Variants in COL1A1 observed in about 807,000 individuals in gnomAD.
The protein encoded by COL1A1 is collagen alpha-1(I) chain.
A neutral mutation model predicts 195.7 loss-of-function variants in COL1A1; 21 were observed. The observed-to-expected ratio is 0.11, with a 90% CI of 0.08 to 0.15. The LOEUF (loss-of-function observed/expected upper bound fraction) is 0.15, where lower values mean the gene tolerates loss of function less well. Among genes scored for constraint, COL1A1 ranks in the 10% least tolerant of loss-of-function variants. The probability of loss-of-function intolerance (pLI) is 1.00; values close to 1 mark genes in which losing one functional copy is unlikely to be tolerated. For missense variants in COL1A1, 1,365 were observed against 2,051.0 expected (o/e 0.67, Z 6.46); for synonymous variants, 749 against 747.3 (o/e 1.00, Z -0.04).
intron 3 of COL1A1, 44 bp from the exon 4 acceptor site, chr17:50,199,497 G>A (rs1907881577): frequency 6.2e-7 from 1 of 1,614,076 alleles, no homozygotes; most frequent in African/African-American, 1.3e-5. Context: ...GGTTAGAGAA[G>A]GGAGGACTGT....
At position 50,185,830 on chromosome 17, in the gene COL1A1, C is replaced by T. The variant is rs146035171; in HGVS notation, c.4196G>A (p.Arg1399His). ...LLQGSNEIEI[R>H]AEGNSRFTYS... Reference sequence around the variant, plus strand: ...GGTGAAGCGGCTGTTGCCCTCGGCGCGGATCTCGATCTCGTTGGAGCCCTG... The same window carrying T: ...GGTGAAGCGGCTGTTGCCCTCGGCGTGGATCTCGATCTCGTTGGAGCCCTG... The change falls in exon 50 of 51, where the codon CGC becomes CAC. Residue 1399 changes from arginine (R) to histidine (H), a missense_variant. Arg to His is a conservative substitution (Grantham distance 29). Coordinates refer to ENST00000225964, the MANE Select transcript of COL1A1 (RefSeq NM_000088.4). 6.3e-5 allele frequency: 102 copies of T among 1,613,904 alleles called. No individual in the cohort carries two copies. Among genetic ancestry groups the T allele is most frequent in the Non-Finnish European group, 7.4e-5 (87 of 1,180,032 alleles).
rs1907914129 is a variant in COL1A1, at chr17:50,199,718, AGGCCCCAGGCCCCAGGCCCCG to A, written c.298+14_298+34del. 8.9e-6 allele frequency: 2 copies of A among 225,038 alleles called. No homozygotes were observed. Among genetic ancestry groups the A allele is most frequent in the Non-Finnish European group, 7.5e-6 (1 of 134,166 alleles). 13.9% of individuals were successfully genotyped at this position (225,038 alleles called of 1,614,324 possible). A position where few individuals can be genotyped will look rare whatever the true frequency, so the allele number is the denominator to read the frequency against. ...GCCCCAGCCCCAGGCCCCAGGCCCC[AGGCCCCAGGCCCCAGGCCCCG>A]AGCGCAGCCGCACCTGAGCCGTCGG... On this transcript the variant is annotated intron_variant, in intron 2 of 50. Transcript: ENST00000225964.
Position 50,197,218 on chromosome 17 carries a change from G to A in COL1A1, c.712C>T (p.Pro238Ser). 1.2e-6 allele frequency: 2 copies of A among 1,613,068 alleles called. No individual in the cohort carries two copies. Among genetic ancestry groups the A allele is most frequent in the Non-Finnish European group, 1.7e-6 (2 of 1,180,024 alleles). ...GGCCCACGCTCACCAGGACGACCAGGTTTTCCAGCTTCCCCCTGAGAGGGA... is the reference window on the plus strand; with the variant it reads ...GGCCCACGCTCACCAGGACGACCAGATTTTCCAGCTTCCCCCTGAGAGGGA... ...KNGDDGEAGK[P>S]GRPGERGPPG... The change falls in exon 10 of 51, where the codon CCT (proline) becomes TCT (serine). Residue 238 changes from proline (P) to serine (S), a missense_variant. Transcript: ENST00000225964.
intron 31 of COL1A1, 81 bp downstream of exon 31, chr17:50,191,707 T>C: frequency 6.8e-7 from 1 of 1,471,420 alleles, no homozygotes; most frequent in Non-Finnish European, 9.3e-7. Flanking sequence ...GCTTTGGTCA[T>C]GGCCCGCCAT....
intron 9 of COL1A1, 74 bp downstream of exon 9, chr17:50,197,658 T>G (rs1326999954): frequency 1.7e-6 from 2 of 1,209,930 alleles, no homozygotes; most frequent in Non-Finnish European, 2.3e-6. Context: ...CCAAATGTGG[T>G]GGAGTGGAAA....
At position 50,199,793 on chromosome 17, in the gene COL1A1, G is replaced by T. The variant is rs773763288; in HGVS notation, c.258C>A (p.Val86=). ...AGACGGGACAGCACTCGCCCTCGGGGACTTCGGCGCCGGGGCAGTTCTTGG... is the reference window on the plus strand; with the variant it reads ...AGACGGGACAGCACTCGCCCTCGGGTACTTCGGCGCCGGGGCAGTTCTTGG... ...DETKNCPGAE[V]PEGECCPVCP... Residue 86 remains valine, a synonymous_variant, in exon 2 of 51, where the codon GTC becomes GTA. Transcript: ENST00000225964. The T allele has an allele frequency of 1.2e-6, 2 of 1,613,830 alleles. No individual in the cohort carries two copies.
At chr17:50,199,164 T>A (rs1021165356) in intron 5 of COL1A1, 62 bp downstream of exon 5, 1 of 1,427,730 alleles carries the variant, frequency 7.0e-7, no homozygotes, top group Admixed American at 3.0e-5. Context: ...TAAAATTATG[T>A]CATCTGCCAA....
chr17:50,185,808 G>A lies in COL1A1; in HGVS notation c.4218C>T (p.Phe1406=). Reference sequence around the variant, plus strand: ...AGCCATCGACAGTGACGCTGTAGGTGAAGCGGCTGTTGCCCTCGGCGCGGA... The same window carrying A: ...AGCCATCGACAGTGACGCTGTAGGTAAAGCGGCTGTTGCCCTCGGCGCGGA... The part of the protein sequence containing the change: ...IEIRAEGNSR[F]TYSVTVDGCT... Residue 1406 remains phenylalanine, a synonymous_variant, in exon 50 of 51, where the codon TTC becomes TTT. Transcript: ENST00000225964. 6.2e-7 allele frequency: 1 copy of A among 1,614,090 alleles called. No individual in the cohort carries two copies. Among genetic ancestry groups the A allele is most frequent in the Non-Finnish European group, 8.5e-7 (1 of 1,180,040 alleles).
Position 50,199,745 on chromosome 17 carries a change from A to G in COL1A1, c.298+8T>C, listed in dbSNP as rs755794253. On this transcript the variant is annotated splice_region_variant and intron_variant, in intron 2 of 50. Coordinates refer to ENST00000225964, the MANE Select transcript of COL1A1 (RefSeq NM_000088.4). Reference sequence around the variant, plus strand: ...GCCCCAGGCCCCAGGCCCCGAGCGCAGCCGCACCTGAGCCGTCGGGGCAGA... The same window carrying G: ...GCCCCAGGCCCCAGGCCCCGAGCGCGGCCGCACCTGAGCCGTCGGGGCAGA... 6.2e-7 allele frequency: 1 copy of G among 1,610,194 alleles called. No individual in the cohort carries two copies. The highest frequency in any genetic ancestry group is 8.5e-7 in the Non-Finnish European group (1 of 1,179,182).
rs1196239673 is a variant in COL1A1, at chr17:50,187,535, G to T, written c.3372C>A (p.Gly1124=). ...CAGAGGGACCTTGTTCACCAGGAGA[G>T]CCCTGAAGGACAGATAAAAAAGGCA... is the stretch of plus-strand genomic sequence containing the variant. ...SGLQGPPGPP[G]SPGEQGPSGA... Residue 1124 remains glycine, a splice_region_variant and synonymous_variant, in exon 46 of 51, where the codon GGC becomes GGA. Transcript: ENST00000225964. 1 of 1,614,008 alleles carries T rather than the reference G, an allele frequency of 6.2e-7. No individual in the cohort carries two copies. Among genetic ancestry groups the T allele is most frequent in the Admixed American group, 1.7e-5 (1 of 60,020 alleles).
rs957884821 is a variant in COL1A1, at chr17:50,185,668, A to T, written c.4249-20T>A. ...GTGACTCTGGGGTGGGGCGGAGACA[A>T]CGGGAGGGGGCATTACCACGTGGGA... On this transcript the variant is annotated intron_variant, in intron 50 of 50. Transcript: ENST00000225964. 1.9e-6 allele frequency: 3 copies of T among 1,612,884 alleles called. No individual in the cohort carries two copies. Among genetic ancestry groups the T allele is most frequent in the African/African-American group, 2.7e-5 (2 of 74,886 alleles).
rs770169695 is a variant in COL1A1, at chr17:50,194,739, G to A, written c.1443C>T (p.Pro481=). Residue 481 remains proline, a synonymous_variant, in exon 21 of 51, where the codon CCC becomes CCT. Transcript: ENST00000225964. The surrounding 1 kb of genome is among the most constrained non-coding windows in gnomAD (Gnocchi z 6.8). ...ARGEPGPTGL[P]GPPGERGGPG... is the part of the protein sequence containing the mutation. ...CACTTACACGCTCGCCAGGGGGTCCGGGCAGGCCAGTGGGTCCGGGTTCAC... is the reference window on the plus strand; with the variant it reads ...CACTTACACGCTCGCCAGGGGGTCCAGGCAGGCCAGTGGGTCCGGGTTCAC... The A allele has an allele frequency of 1.3e-5, 21 of 1,570,256 alleles. No individual in the cohort carries two copies. The highest frequency in any genetic ancestry group is 1.8e-5 in the Admixed American group (1 of 54,276).
chr17:50,199,588 A>G lies in COL1A1; in HGVS notation c.301T>C (p.Ser101Pro). The change falls in exon 3 of 51, where the codon TCA (serine) becomes CCA (proline). Residue 101 changes from serine (S) to proline (P), a missense_variant and splice_region_variant. Physicochemically the swap from Ser to Pro is moderately conservative, Grantham distance 74 (BLOSUM62 -1). This residue lies in a region of COL1A1 where 194 missense variants were observed against 221.7 expected (regional missense o/e 0.88). Transcript: ENST00000225964. The stretch of plus-strand genomic sequence containing the variant: ...CCGGTGGTTTCTTGGTCGGTGGGTG[A>G]CTCTAGGGGACGAAGAGACGCGCGT... ...CCPVCPDGSE[S>P]PTDQETTGVE... The G allele has an allele frequency of 6.2e-7, 1 of 1,613,934 alleles. No homozygotes were observed. Among genetic ancestry groups the G allele is most frequent in the South Asian group, 1.1e-5 (1 of 91,070 alleles).
Position 50,195,846 on chromosome 17 carries a change from C to G in COL1A1, c.1056+77G>C. 2.0e-6 allele frequency: 3 copies of G among 1,527,182 alleles called. No individual in the cohort carries two copies. The highest frequency in any genetic ancestry group is 2.7e-6 in the Non-Finnish European group (3 of 1,124,464). The allele number at this position is 1,527,182 out of a possible 1,614,324, so 94.6% of individuals were successfully genotyped here. A position where few individuals can be genotyped will look rare whatever the true frequency, so the allele number is the denominator to read the frequency against. ...GCTGCTCTCTTGCCACTCTGGGTCC[C>G]TTTGGTTTGGGGAACAGGGAGACAT... is the stretch of plus-strand genomic sequence containing the variant. On this transcript the variant is annotated intron_variant, in intron 16 of 50. Transcript: ENST00000225964. This position sits in a 1 kb window ranked among gnomAD's most constrained non-coding sequence, Gnocchi z 4.3.
Position 50,189,932 on chromosome 17 carries a change from C to T in COL1A1, c.2560-20G>A, listed in dbSNP as rs756828705. 3 of 1,611,690 alleles carry T rather than the reference C, an allele frequency of 1.9e-6. No homozygotes were observed. The highest frequency in any genetic ancestry group is 2.5e-6 in the Non-Finnish European group (3 of 1,178,958). On this transcript the variant is annotated intron_variant, in intron 36 of 50. Coordinates refer to ENST00000225964, the MANE Select transcript of COL1A1 (RefSeq NM_000088.4). This position sits in a 1 kb window ranked among gnomAD's most constrained non-coding sequence, Gnocchi z 5.5. ...ATTACCCTGTAGGAGAGCACAGAGGCATCAAGCCTGGACCCGTCCTGGGTC... is the reference window on the plus strand; with the variant it reads ...ATTACCCTGTAGGAGAGCACAGAGGTATCAAGCCTGGACCCGTCCTGGGTC...
Position 50,195,397 on chromosome 17 carries a change from C to CTGCAGGGGCA in COL1A1, c.1200+36_1200+37insTGCCCCTGCA, listed in dbSNP as rs773204832. ...GGGAAAGGGGCAGGCAGGCTGCAGG[C>CTGCAGGGGCA]GGCAGGAGTGGGACTGAAGCCTGGC... On this transcript the variant is annotated intron_variant, in intron 18 of 50. Coordinates refer to ENST00000225964, the MANE Select transcript of COL1A1 (RefSeq NM_000088.4). The surrounding 1 kb of genome is among the most constrained non-coding windows in gnomAD (Gnocchi z 4.3). 3 of 1,613,936 alleles carry CTGCAGGGGCA rather than the reference C, an allele frequency of 1.9e-6. No individual in the cohort carries two copies. Among genetic ancestry groups the CTGCAGGGGCA allele is most frequent in the Non-Finnish European group, 8.5e-7 (1 of 1,179,836 alleles).
Position 50,194,213 on chromosome 17 carries a change from T to A in COL1A1, c.1615-30A>T, listed in dbSNP as rs1221105664. On this transcript the variant is annotated intron_variant, in intron 23 of 50. Coordinates refer to ENST00000225964, the MANE Select transcript of COL1A1 (RefSeq NM_000088.4). The surrounding 1 kb of genome is among the most constrained non-coding windows in gnomAD (Gnocchi z 6.8). ...GGAGGCAGAGAGGTATGAGTGGGACTTGGGGAGAAGCATGATGGAGGTGGG... is the reference window on the plus strand; with the variant it reads ...GGAGGCAGAGAGGTATGAGTGGGACATGGGGAGAAGCATGATGGAGGTGGG... 6.2e-7 allele frequency: 1 copy of A among 1,611,550 alleles called. No homozygotes were observed. The highest frequency in any genetic ancestry group is 1.3e-5 in the African/African-American group (1 of 74,756).
In COL1A1 at chr17:50,189,770, C is replaced by T. The variant is rs749013687; in HGVS notation, c.2614-38G>A. On this transcript the variant is annotated intron_variant, in intron 37 of 50. Coordinates refer to ENST00000225964, the MANE Select transcript of COL1A1 (RefSeq NM_000088.4). The surrounding 1 kb of genome is among the most constrained non-coding windows in gnomAD (Gnocchi z 5.5). The stretch of plus-strand genomic sequence containing the variant: ...AACATAGGAACAGTCAGAGGGAGAA[C>T]AGCCAACTCATCCGACCCAGCTGCC... 6.2e-6 allele frequency: 10 copies of T among 1,613,412 alleles called. No homozygotes were observed. The highest frequency in any genetic ancestry group is 2.2e-5 in the East Asian group (1 of 44,866).
At position 50,186,659 on chromosome 17, in the gene COL1A1, G is replaced by A. The variant is rs770355998; in HGVS notation, c.3795C>T (p.Cys1265=). The change falls in exon 48 of 51, where the codon TGC becomes TGT. Residue 1265 remains cysteine, a synonymous_variant. Coordinates refer to ENST00000225964, the MANE Select transcript of COL1A1 (RefSeq NM_000088.4). This position sits in a 1 kb window ranked among gnomAD's most constrained non-coding sequence, Gnocchi z 5.3. ...PARTCRDLKM[C]HSDWKSGEYW... is the part of the protein sequence containing the mutation. ...CCTCACCACTCTTCCAGTCAGAGTG[G>A]CACATCTTGAGGTCACGGCAGGTGC... 6.2e-7 allele frequency: 1 copy of A among 1,613,660 alleles called. No individual in the cohort carries two copies. The highest frequency in any genetic ancestry group is 8.5e-7 in the Non-Finnish European group (1 of 1,180,034).
Sources: allele counts gnomAD v4.1 joint callset, GRCh38; gene constraint gnomAD v4.1.1; regional missense constraint gnomAD v4.1.1; non-coding constraint Gnocchi (gnomAD v3.1); transcripts MANE v1.5; gene names NCBI Gene and HGNC (gene_info 2026-07-23, HGNC 2026-07-21).